The following MIPOL1 variants were observed in gnomAD, a reference collection of about 807,000 sequenced individuals.
The protein encoded by MIPOL1 is mirror-image polydactyly 1, also known as mirror-image polydactyly gene 1 protein.
MIPOL1 carries 57 observed loss-of-function variants against 60.9 expected under a neutral mutation model. That is an observed-to-expected ratio of 0.94 (90% CI 0.76 to 1.17). The LOEUF is 1.17. Ranked by LOEUF, MIPOL1 falls within the 50% of genes most tolerant of loss-of-function variation. The probability of loss-of-function intolerance (pLI) is 0.00; values close to 1 mark genes in which losing one functional copy is unlikely to be tolerated. For synonymous variants in MIPOL1, 179 were observed against 168.8 expected (o/e 1.06, Z -0.47); for missense variants, 551 against 511.6 (o/e 1.08, Z -0.74).
At chr14:37,505,863 C>G (rs1296819063) in intron 12 of MIPOL1, 2 of 152,186 alleles carry the variant, frequency 1.3e-5, no homozygotes, top group African/African-American at 4.8e-5. Context: ...ACCCCATTGT[C>G]TCAGCCCAAA....
At chr14:37,299,097 G>C (rs553252010) in intron 7 of MIPOL1, among the ~76,000 whole-genome samples, 26 of 152,178 alleles carry the variant, frequency 1.7e-4, no homozygotes, top group African/African-American at 5.8e-4. Flanking sequence ...CACATATACA[G>C]CATGGAATAC....
At chr14:37,496,193 C>T (rs2095125739) in intron 11 of MIPOL1, among the ~76,000 whole-genome samples, 1 of 149,346 alleles carries the variant, frequency 6.7e-6, no homozygotes, top group Non-Finnish European at 1.5e-5. Flanking sequence ...CAGCCAATAT[C>T]ATACTGAATG....
chr14:37,525,609 A>C (rs2095441691), intron 12 of MIPOL1, among the ~76,000 whole-genome samples: 1 of 152,186 alleles, frequency 6.6e-6, no homozygotes, highest in Non-Finnish European at 1.5e-5. Flanking sequence ...CATAATTCAG[A>C]ATTTTCCAAA....
chr14:37,291,744 C>T (rs2085076325), intron 7 of MIPOL1, among the ~76,000 whole-genome samples: 1 of 151,956 alleles, frequency 6.6e-6, no homozygotes, highest in African/African-American at 2.4e-5. Context: ...CAAGGGCCTT[C>T]TTGCCAAGTC....
At chr14:37,231,623 G>T (rs1970643073) in intron 1 of MIPOL1, among the ~76,000 whole-genome samples, 1 of 152,008 alleles carries the variant, frequency 6.6e-6, no homozygotes, top group Non-Finnish European at 1.5e-5. Flanking sequence ...TATGCTAATT[G>T]TATCTGTGAT....
At chr14:37,292,348 TGTG>T (rs1011420594) in intron 7 of MIPOL1, among the ~76,000 whole-genome samples, 4 of 152,176 alleles carry the variant, frequency 2.6e-5, no homozygotes, top group Non-Finnish European at 5.9e-5. Flanking sequence ...GTGTTGTATT[TGTG>T]GTGTATTCAT....
rs943340369 is a variant in MIPOL1 at position 37,549,669 on chromosome 14, C to T, written c.*2698C>T. On this transcript the variant is annotated 3_prime_UTR_variant, in exon 13 of 13. Coordinates refer to ENST00000684589, the MANE Select transcript of MIPOL1 (RefSeq NM_001388067.1). The stretch of plus-strand genomic sequence containing the variant: ...TACCATCTCTTTCACATACTACATA[C>T]AAATTCCCTAATAATCAAAAGATTG... The T allele has an allele frequency of 1.3e-5, 2 of 151,882 alleles. No individual in the cohort carries two copies. Among genetic ancestry groups the T allele is most frequent in the African/African-American group, 2.4e-5 (1 of 41,426 alleles). The allele number at this position is 151,882 out of a possible 1,614,324, so 9.4% of individuals were successfully genotyped here.
chr14:37,404,370 A>T (rs1044797920), intron 10 of MIPOL1, among the ~76,000 whole-genome samples: 7 of 152,220 alleles, frequency 4.6e-5, no homozygotes. Context: ...TGCTTCAGTG[A>T]ACTGAATATA....
intron 6 of MIPOL1, among the ~76,000 whole-genome samples, chr14:37,281,729 C>T (rs2084125088): frequency 1.3e-5 from 2 of 152,058 alleles, no homozygotes. Context: ...ATTACTCTGG[C>T]TTTGTGATAT....
At chr14:37,494,684 A>G (rs1391940711) in intron 11 of MIPOL1, among the ~76,000 whole-genome samples, 1 of 152,208 alleles carries the variant, frequency 6.6e-6, no homozygotes, top group East Asian at 1.9e-4. Context: ...CATTTGTATC[A>G]GTAAAAAAAG....
chr14:37,471,863 GTAGCATTTATAA>G, intron 11 of MIPOL1, among the ~76,000 whole-genome samples: 1 of 152,016 alleles, frequency 6.6e-6, no homozygotes, highest in East Asian at 1.9e-4. Flanking sequence ...CCTTTGCTTT[GTAGCATTTATAA>G]TAATTTGAAA....
chr14:37,439,079 A>C (rs2153564900), intron 11 of MIPOL1, among the ~76,000 whole-genome samples: 1 of 152,352 alleles, frequency 6.6e-6, no homozygotes, highest in East Asian at 1.9e-4. Context: ...ACAGAGGATA[A>C]GATGCAATTG....
intron 12 of MIPOL1, among the ~76,000 whole-genome samples, chr14:37,526,866 G>T (rs1275518420): frequency 2.0e-5 from 3 of 152,048 alleles, no homozygotes; most frequent in Admixed American, 2.0e-4. Flanking sequence ...ATTTTAAAAA[G>T]TTATGTGAAC....
At chr14:37,426,289 AC>A (rs1289422790) in intron 11 of MIPOL1, among the ~76,000 whole-genome samples, 1 of 151,584 alleles carries the variant, frequency 6.6e-6, no homozygotes, top group Non-Finnish European at 1.5e-5. Flanking sequence ...CACACCTCCA[AC>A]CCCCTACATA....
intron 11 of MIPOL1, among the ~76,000 whole-genome samples, chr14:37,464,921 C>T (rs932388303): frequency 6.6e-6 from 1 of 152,082 alleles, no homozygotes; most frequent in African/African-American, 2.4e-5. Flanking sequence ...GTTACCTGTG[C>T]AGCCTGAGTT....
intron 6 of MIPOL1, chr14:37,277,234 T>C: frequency 6.6e-6 from 1 of 151,278 alleles, no homozygotes; most frequent in Non-Finnish European, 1.5e-5. Flanking sequence ...TAAAGACTTT[T>C]TCACACGTCT....
chr14:37,321,617 AGTT>A (rs2088583372), intron 9 of MIPOL1, among the ~76,000 whole-genome samples: 1 of 151,990 alleles, frequency 6.6e-6, no homozygotes, highest in African/African-American at 2.4e-5. Flanking sequence ...CGTGTTGTCC[AGTT>A]GTTGTGCATA....
Position 37,430,899 on chromosome 14 carries a change from A to G in MIPOL1, c.1031+7950A>G, listed in dbSNP as rs79462297. On this transcript the variant is annotated intron_variant, in intron 11 of 12. Transcript: ENST00000684589. ...TTTTTTGGCATTATCAGTTTTCACA[A>G]TTTTCTGCGCCTTATTCAACACAGT... Among the ~76,000 whole-genome samples the G allele has an allele frequency of 4.7e-3, 711 of 152,272 alleles. 4 individuals carry two copies. The highest frequency in any genetic ancestry group is 0.015 in the African/African-American group (631 of 41,570).
chr14:37,219,095 A>G (rs1005971464), intron 1 of MIPOL1, among the ~76,000 whole-genome samples: 4 of 152,154 alleles, frequency 2.6e-5, no homozygotes, highest in African/African-American at 9.7e-5. Context: ...ACAGCTAAGG[A>G]GCAGGGAGGG....
Sources: allele counts gnomAD v4.1 joint callset (sites outside exome capture counted in the v4.1 genomes callset), GRCh38; gene constraint gnomAD v4.1.1; transcripts MANE v1.5; gene names NCBI Gene and HGNC (gene_info 2026-07-23, HGNC 2026-07-21).